RBFOX1: variants seen among roughly 807,000 people sequenced by gnomAD.
RBFOX1 encodes RNA binding fox-1 homolog 1.
RBFOX1 carries 8 observed loss-of-function variants against 57.7 expected under a neutral mutation model. The observed-to-expected ratio is 0.14, with a 90% CI of 0.08 to 0.25. RBFOX1 has a LOEUF of 0.25. Among genes scored for constraint, RBFOX1 ranks in the 10% least tolerant of loss-of-function variants. The probability of loss-of-function intolerance (pLI) is 1.00; values close to 1 mark genes in which losing one functional copy is unlikely to be tolerated. For missense variants in RBFOX1, 611 were observed against 548.5 expected (o/e 1.11, Z -1.14); for synonymous variants, 326 against 222.4 (o/e 1.47, Z -4.15).
In RBFOX1 at chr16:6,333,463, A is replaced by C. The variant is rs549403703; in HGVS notation, c.-64+16406A>C. Reference sequence around the variant, plus strand: ...TCCATTTCTTTTCTGCTTTTTATTCAGTGTTTTTTCAAATCTCCCTTTGTC... The same window carrying C: ...TCCATTTCTTTTCTGCTTTTTATTCCGTGTTTTTTCAAATCTCCCTTTGTC... On this transcript the variant is annotated intron_variant, in intron 2 of 15. Transcript: ENST00000550418. Among the ~76,000 whole-genome samples, 4 of 152,078 alleles carry C rather than the reference A, an allele frequency of 2.6e-5. No homozygotes were observed. In the East Asian group the frequency reaches 7.7e-4, roughly 29 times the overall value.
chr16:5,366,039 C>G (rs2065704988), intron 1 of RBFOX1: 2 of 487,252 alleles, frequency 4.1e-6, no homozygotes, highest in Non-Finnish European at 8.0e-6. Context: ...TTGAAAATGT[C>G]TGTACAGCAA....
chr16:7,112,453 C>A (rs555071945), intron 4 of RBFOX1, among the ~76,000 whole-genome samples: 1 of 151,756 alleles, frequency 6.6e-6, no homozygotes, highest in East Asian at 1.9e-4. Context: ...GTTGTCCGCC[C>A]GCCTCAGCCT....
At chr16:7,561,772 C>T (rs2090428492) in intron 5 of RBFOX1, among the ~76,000 whole-genome samples, 1 of 152,212 alleles carries the variant, frequency 6.6e-6, no homozygotes, top group Admixed American at 6.5e-5. Context: ...ATTCATCACC[C>T]ATTTTCTGCA....
intron 2 of RBFOX1, among the ~76,000 whole-genome samples, chr16:6,473,500 C>T (rs1361439853): frequency 6.6e-6 from 1 of 152,070 alleles, no homozygotes; most frequent in Non-Finnish European, 1.5e-5. Context: ...TTATCTGTCT[C>T]CCTCACTAGA....
intron 3 of RBFOX1, among the ~76,000 whole-genome samples, chr16:5,762,005 C>T (rs868499943): frequency 6.6e-6 from 1 of 152,086 alleles, no homozygotes. Flanking sequence ...CCTGCGCCTC[C>T]TTGGGCAGGT....
At position 6,680,894 on chromosome 16, in the gene RBFOX1, A is replaced by G. The variant is rs529446559; in HGVS notation, c.-16+26244A>G. Among the ~76,000 whole-genome samples, 21 of 152,334 alleles carry G rather than the reference A, an allele frequency of 1.4e-4. No individual in the cohort carries two copies. In the South Asian group the frequency reaches 4.3e-3, roughly 32 times the overall value. ...GCTACCATGGTGAGCATAGAATTGAATCAATATTTATACAAAGATTACAAT... is the reference window on the plus strand; with the variant it reads ...GCTACCATGGTGAGCATAGAATTGAGTCAATATTTATACAAAGATTACAAT... On this transcript the variant is annotated intron_variant, in intron 3 of 15. Transcript: ENST00000550418.
intron 4 of RBFOX1, among the ~76,000 whole-genome samples, chr16:7,070,724 A>G (rs988133028): frequency 1.4e-4 from 22 of 152,210 alleles, no homozygotes; most frequent in Non-Finnish European, 1.0e-4. Flanking sequence ...AGGCAAGAGC[A>G]TCCTGCCCTG....
intron 4 of RBFOX1, among the ~76,000 whole-genome samples, chr16:7,283,519 C>A (rs892165079): frequency 1.3e-5 from 2 of 151,964 alleles, no homozygotes; most frequent in African/African-American, 2.4e-5. Context: ...GTTGACACTT[C>A]CATAACACCT....
At chr16:7,411,125 T>C (rs1820745974) in intron 4 of RBFOX1, among the ~76,000 whole-genome samples, 2 of 152,074 alleles carry the variant, frequency 1.3e-5, no homozygotes, top group African/African-American at 4.8e-5. Flanking sequence ...TTTGTATTTT[T>C]AGTAGAGACG....
rs143424111 is a variant in RBFOX1 at position 6,848,762 on chromosome 16, T to C, written c.-16+194112T>C. Among the ~76,000 whole-genome samples the C allele has an allele frequency of 3.6e-3, 543 of 152,072 alleles. 3 individuals carry two copies. Among genetic ancestry groups the C allele is most frequent in the African/African-American group, 0.012 (515 of 41,462 alleles). On this transcript the variant is annotated intron_variant, in intron 3 of 15. Transcript: ENST00000550418. ...ACATATGACAAGTCACATTGCCAAGTAGAAGAAACTCAGCAGGCAGCATTT... is the reference window on the plus strand; with the variant it reads ...ACATATGACAAGTCACATTGCCAAGCAGAAGAAACTCAGCAGGCAGCATTT...
intron 3 of RBFOX1, among the ~76,000 whole-genome samples, chr16:6,761,648 A>C (rs1343025034): frequency 6.6e-6 from 1 of 151,398 alleles, no homozygotes; most frequent in Non-Finnish European, 1.5e-5. Flanking sequence ...CTGGGATTAC[A>C]GGTGCTCGCC....
intron 1 of RBFOX1, among the ~76,000 whole-genome samples, chr16:6,243,457 T>A (rs2097550773): frequency 6.6e-6 from 1 of 152,188 alleles, no homozygotes; most frequent in Admixed American, 6.5e-5. Context: ...TTACGGTTTA[T>A]GAGGAGACCT....
intron 4 of RBFOX1, among the ~76,000 whole-genome samples, chr16:7,084,708 G>C (rs1478145295): frequency 6.6e-6 from 1 of 152,190 alleles, no homozygotes; most frequent in Non-Finnish European, 1.5e-5. Flanking sequence ...AGGTTTCTCC[G>C]TAATGTAGAA....
intron 3 of RBFOX1, among the ~76,000 whole-genome samples, chr16:6,833,872 G>T (rs541014724): frequency 3.3e-5 from 5 of 152,160 alleles, no homozygotes; most frequent in African/African-American, 9.6e-5. Context: ...GACAGCGTGG[G>T]CACAGCTTGA....
rs113096342 is a variant in RBFOX1, at chr16:5,526,581, A to G, written c.258+59327A>G. ...TGGGATTATAGGTGTGAGCCACCAC[A>G]CCTGGCTTCCACTCCCTTTTGTGAT... On this transcript the variant is annotated intron_variant, in intron 2 of 2. Transcript: ENST00000585867. 1.6e-3 allele frequency among the ~76,000 whole-genome samples: 237 copies of G among 152,140 alleles called. 2 individuals are homozygous for G. The highest frequency in any genetic ancestry group is 2.6e-3 in the Non-Finnish European group (179 of 67,982).
chr16:5,812,404 T>G (rs1465012335), intron 3 of RBFOX1, among the ~76,000 whole-genome samples: 1 of 152,034 alleles, frequency 6.6e-6, no homozygotes, highest in Non-Finnish European at 1.5e-5. Context: ...CCACCAGCAG[T>G]CTATAAAAGT....
At chr16:7,041,018 C>T (rs57835705) in intron 3 of RBFOX1, among the ~76,000 whole-genome samples, 14,341 of 150,688 alleles carry the variant, frequency 0.095, 1,117 homozygotes, top group East Asian at 0.32. Context: ...TGGGTTCAAG[C>T]GATTCTCCTG....
intron 3 of RBFOX1, among the ~76,000 whole-genome samples, chr16:5,705,469 C>T (rs1178957289): frequency 6.6e-6 from 1 of 152,138 alleles, no homozygotes; most frequent in African/African-American, 2.4e-5. Context: ...CACTATATTG[C>T]CCAGGCTGGT....
chr16:6,379,515 C>A (rs1418617035), intron 2 of RBFOX1, among the ~76,000 whole-genome samples: 1 of 151,824 alleles, frequency 6.6e-6, no homozygotes, highest in East Asian at 1.9e-4. Flanking sequence ...TAAGAACCCA[C>A]TGAAAAAAAC....
Sources: gnomAD v4.1 joint callset for allele counts (sites outside exome capture counted in the v4.1 genomes callset) on GRCh38, gnomAD v4.1.1 for gene constraint, MANE v1.5 for transcripts, NCBI Gene and HGNC (gene_info 2026-07-23, HGNC 2026-07-21) for gene names.